PEAK1: variants seen among roughly 807,000 people sequenced by gnomAD.
The protein encoded by PEAK1 is pseudopodium enriched atypical kinase 1, also known as inactive tyrosine-protein kinase PEAK1.
Under a neutral mutation model 124.7 loss-of-function variants are expected in PEAK1, and 54 were observed. The ratio of observed to expected loss-of-function variants is 0.43; its 90% confidence interval spans 0.35 to 0.54. The LOEUF (loss-of-function observed/expected upper bound fraction) is 0.54, where lower values mean the gene tolerates loss of function less well. Ranked by LOEUF, PEAK1 falls within the 20% of genes least tolerant of loss-of-function variation. The pLI is 0.01. For synonymous variants in PEAK1, 719 were observed against 760.0 expected, an observed-to-expected ratio of 0.95 and a Z score of 0.89; for missense variants, 2,046 against 2,134.5, an observed-to-expected ratio of 0.96 and a Z score of 0.82.
chr15:77,144,738 C>T (rs1432566748), intron 8 of PEAK1, among the ~76,000 whole-genome samples: 1 of 152,208 alleles, frequency 6.6e-6, no homozygotes, highest in Non-Finnish European at 1.5e-5. Context: ...TTCCACAGCC[C>T]ATGCAAGTAG....
chr15:77,179,289 AAGG>A lies in PEAK1; in HGVS notation c.2635_2637del (p.Pro879del), dbSNP rs780659886. On this transcript the variant is annotated inframe_deletion, in exon 7 of 10. Transcript: ENST00000682557. ...CTCTGCAAAAGGTTACCTGCATGGT[AAGG>A]AGAAGAAGTAGAGCGTGGCGGGGGA... is the stretch of plus-strand genomic sequence containing the variant. 1.9e-6 allele frequency: 3 copies of A among 1,614,046 alleles called. No individual in the cohort carries two copies. The highest frequency in any genetic ancestry group is 2.2e-5 in the East Asian group (1 of 44,872).
intron 6 of PEAK1, among the ~76,000 whole-genome samples, chr15:77,227,712 A>G (rs2059737649): frequency 6.6e-6 from 1 of 152,162 alleles, no homozygotes; most frequent in South Asian, 2.1e-4. Context: ...TCTTAAGAAA[A>G]TGAGGCTGGG....
At chr15:77,281,439 T>A (rs2152968019) in intron 5 of PEAK1, among the ~76,000 whole-genome samples, 1 of 152,302 alleles carries the variant, frequency 6.6e-6, no homozygotes, top group East Asian at 1.9e-4. Context: ...AGCTGCAGAC[T>A]AGCAATGTAT....
Position 77,299,562 on chromosome 15 carries a change from A to C in PEAK1, c.-602-13058T>G, listed in dbSNP as rs74986442. 7.3e-3 allele frequency among the ~76,000 whole-genome samples: 1,110 copies of C among 152,294 alleles called. 15 individuals carry two copies. Among genetic ancestry groups the C allele is most frequent in the African/African-American group, 0.025 (1,054 of 41,544 alleles). On this transcript the variant is annotated intron_variant, in intron 2 of 9. Transcript: ENST00000682557. ...GTATTATGAGATGTATTTAATCGTCAAGTGTGTCTAGTCTCTTTAAATCTG... is the reference window on the plus strand; with the variant it reads ...GTATTATGAGATGTATTTAATCGTCCAGTGTGTCTAGTCTCTTTAAATCTG...
intron 6 of PEAK1, among the ~76,000 whole-genome samples, chr15:77,185,585 G>GC (rs568070361): frequency 5.3e-4 from 81 of 152,298 alleles, no homozygotes; most frequent in African/African-American, 1.9e-3. Context: ...TGTGACCTTA[G>GC]CATGAACTAT....
intron 1 of PEAK1, among the ~76,000 whole-genome samples, chr15:77,378,846 T>C (rs1233840176): frequency 3.3e-5 from 5 of 152,208 alleles, no homozygotes; most frequent in Admixed American, 6.5e-5. Flanking sequence ...GATTCATTCA[T>C]ATATCATTTA....
intron 2 of PEAK1, chr15:77,346,183 C>T: frequency 4.1e-6 from 4 of 971,254 alleles, no homozygotes; most frequent in Non-Finnish European, 4.9e-6. Flanking sequence ...ATTAAATCTA[C>T]CCTTTTGGCA....
intron 2 of PEAK1, among the ~76,000 whole-genome samples, chr15:77,316,866 C>T (rs978279313): frequency 1.3e-5 from 2 of 152,030 alleles, no homozygotes; most frequent in Admixed American, 1.3e-4. Context: ...AAACCTGAGG[C>T]CGAGAGTTTG....
Position 77,170,093 on chromosome 15 carries a change from C to T in PEAK1, c.3137+8697G>A, listed in dbSNP as rs118147571. On this transcript the variant is annotated intron_variant, in intron 7 of 9. Coordinates refer to ENST00000682557, the MANE Select transcript of PEAK1 (RefSeq NM_001385026.1). ...GGTTAGCTACTAGGGTTTAAAGAAC[C>T]CCTTTTTCATATATGACTATAATGG... Among the ~76,000 whole-genome samples the T allele has an allele frequency of 7.2e-5, 11 of 152,000 alleles. No homozygotes were observed. In the East Asian group the frequency reaches 2.1e-3, roughly 29 times the overall value.
intron 2 of PEAK1, among the ~76,000 whole-genome samples, chr15:77,359,637 A>G (rs1285113745): frequency 1.3e-5 from 2 of 152,210 alleles, no homozygotes; most frequent in Admixed American, 6.5e-5. Flanking sequence ...TTATATTTCT[A>G]TATACTAGCA....
chr15:77,136,238 T>G (rs928192954), intron 8 of PEAK1, among the ~76,000 whole-genome samples: 1 of 152,176 alleles, frequency 6.6e-6, no homozygotes, highest in Non-Finnish European at 1.5e-5. Context: ...CCCTAGAGAT[T>G]TGTGGAACTT....
At chr15:77,247,485 CTTTTTTTTT>C (rs398028029) in intron 6 of PEAK1, among the ~76,000 whole-genome samples, 19 of 84,310 alleles carry the variant, frequency 2.3e-4, no homozygotes, top group African/African-American at 7.1e-4. Context: ...CTTTTCTTTT[CTTTTTTTTT>C]TTTTTTTTTT....
intron 1 of PEAK1, among the ~76,000 whole-genome samples, chr15:77,379,819 A>C (rs1266391862): frequency 1.3e-5 from 2 of 152,168 alleles, no homozygotes; most frequent in Non-Finnish European, 1.5e-5. Flanking sequence ...ATGCTGTTTC[A>C]CTAGAATGGG....
intron 7 of PEAK1, among the ~76,000 whole-genome samples, chr15:77,174,989 C>G (rs1255539099): frequency 6.6e-6 from 1 of 151,250 alleles, no homozygotes; most frequent in Non-Finnish European, 1.5e-5. Context: ...CTGAGAAAAA[C>G]AAGCAATGGG....
At chr15:77,419,711 G>T in intron 1 of PEAK1, 1 of 974,488 alleles carries the variant, frequency 1.0e-6, no homozygotes, top group Non-Finnish European at 1.2e-6. Context: ...TTCCTCTGGG[G>T]GGCGTCGCGC....
intron 6 of PEAK1, 42 bp from the exon 7 acceptor site, chr15:77,182,082 G>T (rs952209607): frequency 2.9e-6 from 4 of 1,356,578 alleles, no homozygotes; most frequent in Non-Finnish European, 2.8e-6. Context: ...AATGAAAAAG[G>T]CACTATGAGA....
intron 7 of PEAK1, among the ~76,000 whole-genome samples, chr15:77,164,752 C>T (rs2055949613): frequency 6.6e-6 from 1 of 152,164 alleles, no homozygotes; most frequent in African/African-American, 2.4e-5. Context: ...ACAGAAGTAG[C>T]TCCTTAGCAT....
At chr15:77,231,697 T>G (rs1320757547) in intron 6 of PEAK1, among the ~76,000 whole-genome samples, 1 of 152,012 alleles carries the variant, frequency 6.6e-6, no homozygotes, top group Admixed American at 6.6e-5. Flanking sequence ...AAATGACAGG[T>G]TAAATATTTG....
At chr15:77,249,357 C>G (rs1169679556) in intron 6 of PEAK1, among the ~76,000 whole-genome samples, 2 of 152,108 alleles carry the variant, frequency 1.3e-5, no homozygotes, top group Non-Finnish European at 2.9e-5. Context: ...TTAGATAAAA[C>G]TATTTGACTC....
Sources: allele counts gnomAD v4.1 joint callset (sites outside exome capture counted in the v4.1 genomes callset), GRCh38; gene constraint gnomAD v4.1.1; transcripts MANE v1.5; gene names NCBI Gene and HGNC (gene_info 2026-07-23, HGNC 2026-07-21).